ZNF804B: variants seen among roughly 807,000 people sequenced by gnomAD.
ZNF804B encodes the protein zinc finger 804B.
A neutral mutation model predicts 101.4 loss-of-function variants in ZNF804B; 80 were observed. That is an observed-to-expected ratio of 0.79 (90% CI 0.66 to 0.95). ZNF804B has a LOEUF of 0.95. ZNF804B is among the 40% of genes least tolerant of loss of function. The pLI, the probability that ZNF804B is intolerant of heterozygous loss-of-function variation, is 0.00. For synonymous variants in ZNF804B, 622 were observed against 558.8 expected (o/e 1.11, Z -1.59); for missense variants, 1,673 against 1,561.9 (o/e 1.07, Z -1.20).
At chr7:89,279,694 G>A (rs1247235429) in intron 2 of ZNF804B, among the ~76,000 whole-genome samples, 1 of 152,130 alleles carries the variant, frequency 6.6e-6, no homozygotes, top group East Asian at 1.9e-4. Flanking sequence ...GCATCCCAGG[G>A]ATGAAGCCCA....
At chr7:89,294,684 C>T (rs1030737694) in intron 2 of ZNF804B, among the ~76,000 whole-genome samples, 4 of 151,774 alleles carry the variant, frequency 2.6e-5, no homozygotes, top group Non-Finnish European at 5.9e-5. Context: ...TTCCTTTTAT[C>T]ACTCTTAATT....
At chr7:89,086,379 A>G (rs1378408827) in intron 1 of ZNF804B, among the ~76,000 whole-genome samples, 2 of 151,956 alleles carry the variant, frequency 1.3e-5, no homozygotes, top group Non-Finnish European at 2.9e-5. Flanking sequence ...GAAAATGACA[A>G]TTTACATACA....
intron 2 of ZNF804B, among the ~76,000 whole-genome samples, chr7:89,284,729 A>G (rs1790155282): frequency 6.6e-6 from 1 of 152,154 alleles, no homozygotes; most frequent in South Asian, 2.1e-4. Flanking sequence ...TAAAGTTATT[A>G]TATGATGACT....
chr7:88,917,103 A>G (rs1792643652), intron 1 of ZNF804B, among the ~76,000 whole-genome samples: 1 of 152,018 alleles, frequency 6.6e-6, no homozygotes, highest in Non-Finnish European at 1.5e-5. Flanking sequence ...TGTCTCTACT[A>G]AAAATACAAA....
rs1562919486 is a variant in ZNF804B at position 89,218,289 on chromosome 7, TA to T, written c.245del (p.Lys82SerfsTer4). ...NHINSYDHAH[K>X]QRLKELKQRE... is the part of the protein sequence containing the mutation. ...ATATTAATTCTTATGACCATGCTCATAAGCAGGTAAGGCAAAGTGGGAAAAG... is the reference window on the plus strand; with the variant it reads ...ATATTAATTCTTATGACCATGCTCATAGCAGGTAAGGCAAAGTGGGAAAAG... On this transcript the variant is annotated frameshift_variant, in exon 2 of 4. Transcript: ENST00000333190. LOFTEE classifies it high-confidence loss of function. The T allele has an allele frequency of 1.2e-6, 2 of 1,613,530 alleles. No homozygotes were observed.
intron 1 of ZNF804B, among the ~76,000 whole-genome samples, chr7:88,954,552 C>T (rs1793273711): frequency 1.2e-5 from 1 of 83,368 alleles, no homozygotes; most frequent in South Asian, 5.5e-4. Flanking sequence ...CTTTCTAAAA[C>T]ATGCCCCCCC....
At chr7:88,806,164 A>G (rs1430035261) in intron 1 of ZNF804B, among the ~76,000 whole-genome samples, 1 of 152,110 alleles carries the variant, frequency 6.6e-6, no homozygotes, top group Admixed American at 6.5e-5. Flanking sequence ...ACTCAGAAAA[A>G]TCTAAACATT....
chr7:89,220,675 C>G (rs916002308), intron 2 of ZNF804B, among the ~76,000 whole-genome samples: 1 of 151,808 alleles, frequency 6.6e-6, no homozygotes, highest in African/African-American at 2.4e-5. Flanking sequence ...ACCTAAAAAT[C>G]AACAGTAAAT....
intron 1 of ZNF804B, among the ~76,000 whole-genome samples, chr7:89,109,511 T>C (rs1337132436): frequency 6.6e-6 from 1 of 152,164 alleles, no homozygotes; most frequent in Non-Finnish European, 1.5e-5. Context: ...ACACAGCCCT[T>C]TGCACCCAGT....
chr7:89,170,081 A>C (rs1791201659), intron 1 of ZNF804B, among the ~76,000 whole-genome samples: 1 of 152,234 alleles, frequency 6.6e-6, no homozygotes, highest in Non-Finnish European at 1.5e-5. Flanking sequence ...CAGACTGTGC[A>C]GATCTGTGGA....
intron 1 of ZNF804B, among the ~76,000 whole-genome samples, chr7:88,983,447 A>G (rs1793719067): frequency 6.6e-6 from 1 of 152,038 alleles, no homozygotes; most frequent in Admixed American, 6.6e-5. Flanking sequence ...TTTCATGGTG[A>G]TGCTGATGCT....
intron 2 of ZNF804B, among the ~76,000 whole-genome samples, chr7:89,268,621 T>G (rs979940334): frequency 1.3e-5 from 2 of 152,026 alleles, no homozygotes; most frequent in African/African-American, 4.8e-5. Context: ...GAGCGCAAAT[T>G]TAAGAGTCTT....
chr7:88,877,005 A>T (rs1435340609), intron 1 of ZNF804B, among the ~76,000 whole-genome samples: 24 of 85,026 alleles, frequency 2.8e-4, no homozygotes, highest in African/African-American at 6.2e-4. Flanking sequence ...TTTGAAAAAA[A>T]AAATATATAT....
intron 1 of ZNF804B, among the ~76,000 whole-genome samples, chr7:89,007,061 C>G (rs993313224): frequency 1.3e-5 from 2 of 152,064 alleles, no homozygotes; most frequent in African/African-American, 2.4e-5. Context: ...CTTACCTGGT[C>G]CCTCTTTCTG....
At chr7:89,124,098 C>T (rs1790444287) in intron 1 of ZNF804B, among the ~76,000 whole-genome samples, 1 of 152,150 alleles carries the variant, frequency 6.6e-6, no homozygotes, top group Admixed American at 6.6e-5. Context: ...GAGGATATGT[C>T]ATGTCCCTCT....
At chr7:89,098,752 T>C (rs1309682908) in intron 1 of ZNF804B, among the ~76,000 whole-genome samples, 2 of 152,130 alleles carry the variant, frequency 1.3e-5, no homozygotes, top group Non-Finnish European at 2.9e-5. Context: ...AAACTTGTCA[T>C]TCCTTATTTC....
chr7:88,806,936 G>T (rs948338483), intron 1 of ZNF804B, among the ~76,000 whole-genome samples: 1 of 151,982 alleles, frequency 6.6e-6, no homozygotes, highest in Non-Finnish European at 1.5e-5. Context: ...CAAGACCTAT[G>T]CCTCTTAAAA....
chr7:89,325,443 G>GA (rs528418140), intron 2 of ZNF804B, among the ~76,000 whole-genome samples: 13 of 150,384 alleles, frequency 8.6e-5, no homozygotes, highest in East Asian at 1.9e-4. Flanking sequence ...TCCTTGAAGG[G>GA]AAAAAAAAAT....
intron 1 of ZNF804B, among the ~76,000 whole-genome samples, chr7:88,806,990 G>A (rs888749673): frequency 6.6e-6 from 1 of 152,144 alleles, no homozygotes; most frequent in African/African-American, 2.4e-5. Context: ...TGGAATTCAA[G>A]TGCAGGTCTC....
Sources: gnomAD v4.1 joint callset for allele counts (sites outside exome capture counted in the v4.1 genomes callset) on GRCh38, gnomAD v4.1.1 for gene constraint, MANE v1.5 for transcripts, NCBI Gene and HGNC (gene_info 2026-07-23, HGNC 2026-07-21) for gene names.